Variants in B3GNT9 observed in about 807,000 individuals in gnomAD.
B3GNT9 encodes the protein BGnT-9.
For missense variants in B3GNT9, 669 were observed against 599.2 expected, an observed-to-expected ratio of 1.12 and a Z score of -1.22; for synonymous variants, 359 against 283.9, an observed-to-expected ratio of 1.26 and a Z score of -2.66.
At position 67,149,634 on chromosome 16, in the gene B3GNT9, C is replaced by G. The variant is rs774444658; in HGVS notation, c.852G>C (p.Pro284=). 3 of 1,601,138 alleles carry G rather than the reference C, an allele frequency of 1.9e-6. No individual in the cohort carries two copies. Among genetic ancestry groups the G allele is most frequent in the East Asian group, 2.3e-5 (1 of 44,216 alleles). Residue 284 remains proline (P), a synonymous_variant, in exon 2 of 2, where the codon CCG becomes CCC. Coordinates refer to ENST00000449549, the MANE Select transcript of B3GNT9 (RefSeq NM_033309.3). Reference sequence around the variant, plus strand: ...CAAAGCCACCGCCGCCCGCGTAGGCCGGATAGGCGGGCAGGCCGTACACGG... The same window carrying G: ...CAAAGCCACCGCCGCCCGCGTAGGCGGGATAGGCGGGCAGGCCGTACACGG... ...PEAVYGLPAY[P]AYAGGGGFVL...
rs2145904193 is a variant in B3GNT9 at position 67,150,443 on chromosome 16, G to A, written c.43C>T (p.Leu15=). 1 of 1,348,210 alleles carries A rather than the reference G, an allele frequency of 7.4e-7. No homozygotes were observed. Among genetic ancestry groups the A allele is most frequent in the African/African-American group, 1.5e-5 (1 of 65,306 alleles). 83.5% of individuals were successfully genotyped at this position (1,348,210 alleles called of 1,614,324 possible). The stretch of plus-strand genomic sequence containing the variant: ...AGGCCCAGGGAGGCGCCAAGGAGCA[G>A]CGTGAGCAATGCGTCCCTGCGTAGG... ...LRLRRDALLT[L]LLGASLGLLL... is the part of the protein sequence containing the mutation. The change falls in exon 2 of 2, where the codon CTG becomes TTG. Residue 15 remains leucine, a synonymous_variant. Coordinates refer to ENST00000449549, the MANE Select transcript of B3GNT9 (RefSeq NM_033309.3).
rs765451756 is a variant in B3GNT9, at chr16:67,149,655, C to T, written c.831G>A (p.Val277=). ...AGGCCGGATAGGCGGGCAGGCCGTA[C>T]ACGGCCTCGGGGATGTAGTACTTGC... ...RASKYYIPEA[V]YGLPAYPAYA... Residue 277 remains valine (V), a synonymous_variant, in exon 2 of 2, where the codon GTG becomes GTA. Coordinates refer to ENST00000449549, the MANE Select transcript of B3GNT9 (RefSeq NM_033309.3). 15 of 1,603,694 alleles carry T rather than the reference C, an allele frequency of 9.4e-6. No homozygotes were observed. The African/African-American group carries it at 1.6e-4, about 17-fold the overall frequency.
At position 67,150,300 on chromosome 16, in the gene B3GNT9, A is replaced by T; in HGVS notation, c.186T>A (p.Gly62=). The T allele has an allele frequency of 7.0e-7, 1 of 1,420,444 alleles. No individual in the cohort carries two copies. The highest frequency in any genetic ancestry group is 2.2e-4 in the Middle Eastern group (1 of 4,510). The allele number at this position is 1,420,444 out of a possible 1,614,324, so 88.0% of individuals were successfully genotyped here. Residue 62 remains glycine (G), a synonymous_variant, in exon 2 of 2, where the codon GGT becomes GGA. Transcript: ENST00000449549. ...CCCCTTCGTAGGCCGGCGGGGCTGC[A>T]CCCGCGTCGGGTAACTGGAACGCGC... is the stretch of plus-strand genomic sequence containing the variant. ...GPRAFQLPDA[G]AAPPAYEGDT...
rs1341851944 is a variant in B3GNT9, at chr16:67,149,507, G to A, written c.979C>T (p.Arg327Trp). 6.8e-6 allele frequency: 11 copies of A among 1,607,974 alleles called. No individual in the cohort carries two copies. Among genetic ancestry groups the A allele is most frequent in the East Asian group, 2.2e-5 (1 of 44,524 alleles). Residue 327 changes from arginine (R) to tryptophan (W), a missense_variant, in exon 2 of 2, where the codon CGG becomes TGG. Transcript: ENST00000449549. ...GCAGGGTGAGGCTCGGGCGTGAGCC[G>A]CAGGCGCTGCAGACACATGCCCAGA... Reference protein sequence around the residue: ...VFLGMCLQRLRLTPEPHPAFR... With the variant: ...VFLGMCLQRLWLTPEPHPAFR...
In B3GNT9 at chr16:67,150,470, G is replaced by T; in HGVS notation, c.16C>A (p.Arg6Ser). Reference protein sequence around the residue: MRRRLRLRRDALLTLL... With the variant: MRRRLSLRRDALLTLL... Reference sequence around the variant, plus strand: ...GTGAGCAATGCGTCCCTGCGTAGGCGCAGCCTCCTCCTCATCTCCGCGCGG... The same window carrying T: ...GTGAGCAATGCGTCCCTGCGTAGGCTCAGCCTCCTCCTCATCTCCGCGCGG... Residue 6 changes from arginine to serine, a missense_variant, in exon 2 of 2, where the codon CGC (arginine) becomes AGC (serine). By Grantham distance (110) the Arg-to-Ser change is moderately radical. Transcript: ENST00000449549. The T allele has an allele frequency of 7.6e-7, 1 of 1,323,336 alleles. No individual in the cohort carries two copies. The highest frequency in any genetic ancestry group is 9.6e-7 in the Non-Finnish European group (1 of 1,039,062). 82.0% of individuals were successfully genotyped at this position (1,323,336 alleles called of 1,614,324 possible).
chr16:67,149,665 G>T lies in B3GNT9; in HGVS notation c.821C>A (p.Pro274His). 1 of 1,607,220 alleles carries T rather than the reference G, an allele frequency of 6.2e-7. No homozygotes were observed. Among genetic ancestry groups the T allele is most frequent in the East Asian group, 2.2e-5 (1 of 44,572 alleles). The change falls in exon 2 of 2, where the codon CCC becomes CAC. Residue 274 changes from proline (P) to histidine (H), a missense_variant. By Grantham distance (77) the Pro-to-His change is moderately conservative. Transcript: ENST00000449549. ...IRTRASKYYIPEAVYGLPAYP... is the reference protein window; with the variant it reads ...IRTRASKYYIHEAVYGLPAYP... The stretch of plus-strand genomic sequence containing the variant: ...GGCGGGCAGGCCGTACACGGCCTCG[G>T]GGATGTAGTACTTGCTAGCCCGCGT...
In B3GNT9 at chr16:67,149,839, G is replaced by A. The variant is rs2145903343; in HGVS notation, c.647C>T (p.Ser216Leu). Residue 216 changes from serine to leucine, a missense_variant, in exon 2 of 2, where the codon TCA becomes TTA. Transcript: ENST00000449549. Reference sequence around the variant, plus strand: ...GAAGCGCACGTCGGGGCAGAAAGCTGAGGCCCAGGCTAGAAAGTGGATCTC... The same window carrying A: ...GAAGCGCACGTCGGGGCAGAAAGCTAAGGCCCAGGCTAGAAAGTGGATCTC... ...LKEIHFLAWA[S>L]AFCPDVRFVF... 2 of 1,613,740 alleles carry A rather than the reference G, an allele frequency of 1.2e-6. No homozygotes were observed. The highest frequency in any genetic ancestry group is 1.7e-6 in the Non-Finnish European group (2 of 1,179,736).
In B3GNT9 at chr16:67,150,511, C is replaced by T. The variant is rs1324758873; in HGVS notation, c.-26G>A. The T allele has an allele frequency of 2.4e-6, 3 of 1,275,990 alleles. No individual in the cohort carries two copies. Among genetic ancestry groups the T allele is most frequent in the East Asian group, 3.1e-5 (1 of 31,916 alleles). 79.0% of individuals were successfully genotyped at this position (1,275,990 alleles called of 1,614,324 possible). ...CTCCGCGCGGCCTGCGCCCTCCCTC[C>T]CCTGTAAGGGTCGCAGTCGGCAGCA... is the stretch of plus-strand genomic sequence containing the variant. On this transcript the variant is annotated 5_prime_UTR_variant, in exon 2 of 2. Coordinates refer to ENST00000449549, the MANE Select transcript of B3GNT9 (RefSeq NM_033309.3).
Position 67,149,120 on chromosome 16 carries a change from C to G in B3GNT9, c.*157G>C. The G allele has an allele frequency of 7.2e-7, 1 of 1,391,236 alleles. No individual in the cohort carries two copies. 86.2% of individuals were successfully genotyped at this position (1,391,236 alleles called of 1,614,324 possible). A position where few individuals can be genotyped will look rare whatever the true frequency, so the allele number is the denominator to read the frequency against. The stretch of plus-strand genomic sequence containing the variant: ...TTACACGGGTTTCAACTGGTTCCAG[C>G]AGGGTGGACCGCCAGGAGCCAAGCT... On this transcript the variant is annotated 3_prime_UTR_variant, in exon 2 of 2. Coordinates refer to ENST00000449549, the MANE Select transcript of B3GNT9 (RefSeq NM_033309.3).
rs778246083 is a variant in B3GNT9, at chr16:67,148,636, C to T, written c.*641G>A. 6.6e-6 allele frequency: 1 copy of T among 152,176 alleles called. No individual in the cohort carries two copies. The highest frequency in any genetic ancestry group is 2.4e-5 in the African/African-American group (1 of 41,404). 9.4% of individuals were successfully genotyped at this position (152,176 alleles called of 1,614,324 possible). ...TCTCAGGGGAAGACATTCCTTGGCT[C>T]CTCTGAGGGGATACAGCCTCCAGTG... On this transcript the variant is annotated 3_prime_UTR_variant, in exon 2 of 2. Coordinates refer to ENST00000449549, the MANE Select transcript of B3GNT9 (RefSeq NM_033309.3).
rs755254917 is a variant in B3GNT9 at position 67,149,582 on chromosome 16, G to A, written c.904C>T (p.Leu302=). Residue 302 remains leucine, a synonymous_variant, in exon 2 of 2, where the codon CTG becomes TTG. Transcript: ENST00000449549. ...TCGACCTGCGCACAGGCGCCAGCCA[G>A]GCGGTGCAGCGTGGCCCCGGAAAGC... is the stretch of plus-strand genomic sequence containing the variant. ...FVLSGATLHR[L]AGACAQVELF... is the part of the protein sequence containing the mutation. 9 of 1,603,296 alleles carry A rather than the reference G, an allele frequency of 5.6e-6. No individual in the cohort carries two copies. Among genetic ancestry groups the A allele is most frequent in the Non-Finnish European group, 6.0e-6 (7 of 1,175,376 alleles).
chr16:67,150,553 G>C lies in B3GNT9; in HGVS notation c.-68C>G. The C allele has an allele frequency of 8.2e-7, 1 of 1,213,706 alleles. No homozygotes were observed. The highest frequency in any genetic ancestry group is 3.6e-5 in the South Asian group (1 of 27,976). 75.2% of individuals were successfully genotyped at this position (1,213,706 alleles called of 1,614,324 possible). A position where few individuals can be genotyped will look rare whatever the true frequency, so the allele number is the denominator to read the frequency against. On this transcript the variant is annotated 5_prime_UTR_variant, in exon 2 of 2. Coordinates refer to ENST00000449549, the MANE Select transcript of B3GNT9 (RefSeq NM_033309.3). The stretch of plus-strand genomic sequence containing the variant: ...TCGGCAGCAGGGGGCAGCGAGCCCC[G>C]CCCTCCCCAGCTGAGGGGGCGGGAG...
rs748432137 is a variant in B3GNT9, at chr16:67,150,310, G to A, written c.176C>T (p.Pro59Leu). The change falls in exon 2 of 2, where the codon CCC becomes CTC. Residue 59 changes from proline to leucine, a missense_variant. By Grantham distance (98) the Pro-to-Leu change is moderately conservative (BLOSUM62 -3). Coordinates refer to ENST00000449549, the MANE Select transcript of B3GNT9 (RefSeq NM_033309.3). ...GGCCGGCGGGGCTGCACCCGCGTCG[G>A]GTAACTGGAACGCGCGGGGTCCGGG... Reference protein sequence around the residue: ...PTPGPRAFQLPDAGAAPPAYE... With the variant: ...PTPGPRAFQLLDAGAAPPAYE... 51 of 1,414,600 alleles carry A rather than the reference G, an allele frequency of 3.6e-5. No individual in the cohort carries two copies. In the East Asian group the frequency reaches 1.1e-3, roughly 30 times the overall value. The allele number at this position is 1,414,600 out of a possible 1,614,324, so 87.6% of individuals were successfully genotyped here.
At position 67,149,437 on chromosome 16, in the gene B3GNT9, A is replaced by C; in HGVS notation, c.1049T>G (p.Leu350Trp). The change falls in exon 2 of 2, where the codon TTG (leucine) becomes TGG (tryptophan). Residue 350 changes from leucine (L) to tryptophan (W), a missense_variant. Transcript: ENST00000449549. ...GTAAAAGCAGGGGTCGAAGGTGCTC[A>C]AATGCGGCGCGGCTGAAGGCTGGGG... ...GIPQPSAAPH[L>W]STFDPCFYRE... 3.1e-6 allele frequency: 5 copies of C among 1,606,494 alleles called. No homozygotes were observed. Among genetic ancestry groups the C allele is most frequent in the Non-Finnish European group, 4.3e-6 (5 of 1,176,428 alleles).
Position 67,149,405 on chromosome 16 carries a change from G to A in B3GNT9, c.1081C>T (p.Leu361=), listed in dbSNP as rs773379094. The A allele has an allele frequency of 1.9e-6, 3 of 1,604,202 alleles. No individual in the cohort carries two copies. The highest frequency in any genetic ancestry group is 1.7e-6 in the Non-Finnish European group (2 of 1,175,406). The change falls in exon 2 of 2, where the codon CTG becomes TTG. Residue 361 remains leucine, a synonymous_variant. Transcript: ENST00000449549. ...STFDPCFYRE[L]VVVHGLSAAD... The stretch of plus-strand genomic sequence containing the variant: ...GCCGAGAGCCCGTGCACTACAACCA[G>A]CTCACGGTAAAAGCAGGGGTCGAAG...
Position 67,150,198 on chromosome 16 carries a change from A to G in B3GNT9, c.288T>C (p.Phe96=), listed in dbSNP as rs2030415568. Residue 96 remains phenylalanine, a synonymous_variant, in exon 2 of 2, where the codon TTT becomes TTC. Transcript: ENST00000449549. The part of the protein sequence containing the change: ...RYLRAKDQRR[F]PLLINQPHKC... ...TGTGCGGCTGGTTAATGAGCAGTGG[A>G]AACCGCCGCTGGTCCTTGGCGCGCA... is the stretch of plus-strand genomic sequence containing the variant. 3 of 1,558,308 alleles carry G rather than the reference A, an allele frequency of 1.9e-6. No homozygotes were observed. Among genetic ancestry groups the G allele is most frequent in the Non-Finnish European group, 2.6e-6 (3 of 1,155,494 alleles).
In B3GNT9 at chr16:67,150,183, G is replaced by T. The variant is rs766322822; in HGVS notation, c.303C>A (p.Asn101Lys). The change falls in exon 2 of 2, where the codon AAC (asparagine) becomes AAA (lysine). Residue 101 changes from asparagine (N) to lysine (K), a missense_variant. Asn to Lys is a moderately conservative substitution (Grantham distance 94). Coordinates refer to ENST00000449549, the MANE Select transcript of B3GNT9 (RefSeq NM_033309.3). ...CGTCGCCGCGGCACTTGTGCGGCTG[G>T]TTAATGAGCAGTGGAAACCGCCGCT... ...KDQRRFPLLI[N>K]QPHKCRGDGA... 6.4e-7 allele frequency: 1 copy of T among 1,559,746 alleles called. No homozygotes were observed. The highest frequency in any genetic ancestry group is 2.5e-5 in the East Asian group (1 of 39,230).
In B3GNT9 at chr16:67,150,379, G is replaced by A. The variant is rs2030430225; in HGVS notation, c.107C>T (p.Ala36Val). 2 of 1,344,580 alleles carry A rather than the reference G, an allele frequency of 1.5e-6. No homozygotes were observed. Among genetic ancestry groups the A allele is most frequent in the Admixed American group, 4.1e-5 (1 of 24,284 alleles). The allele number at this position is 1,344,580 out of a possible 1,614,324, so 83.3% of individuals were successfully genotyped here. ...CCTCCCTCGCCCTCGCGGCGCGCTC[G>A]CCGTCGGGGCCGCGCCGTCGCGCTG... ...YAQRDGAAPT[A>V]SAPRGRGRAA... The change falls in exon 2 of 2, where the codon GCG becomes GTG. Residue 36 changes from alanine (A) to valine (V), a missense_variant. Coordinates refer to ENST00000449549, the MANE Select transcript of B3GNT9 (RefSeq NM_033309.3).
rs767713025 is a variant in B3GNT9, at chr16:67,149,323, G to A, written c.1163C>T (p.Ala388Val). 3 of 1,587,272 alleles carry A rather than the reference G, an allele frequency of 1.9e-6. No homozygotes were observed. Among genetic ancestry groups the A allele is most frequent in the South Asian group, 1.2e-5 (1 of 86,688 alleles). The change falls in exon 2 of 2, where the codon GCG (alanine) becomes GTG (valine). Residue 388 changes from alanine to valine, a missense_variant. By Grantham distance (64) the Ala-to-Val change is moderately conservative. Transcript: ENST00000449549. ...LLHGPHGPAC[A>V]HPQPVAAGPF... Reference sequence around the variant, plus strand: ...GCCTGCAGCGACAGGCTGTGGATGCGCACAGGCTGGCCCATGCGGCCCGTG... The same window carrying A: ...GCCTGCAGCGACAGGCTGTGGATGCACACAGGCTGGCCCATGCGGCCCGTG...
Sources: allele counts gnomAD v4.1 joint callset, GRCh38; gene constraint gnomAD v4.1.1; transcripts MANE v1.5; gene names NCBI Gene and HGNC (gene_info 2026-07-23, HGNC 2026-07-21).